The following DOK6 variants were observed in gnomAD, a reference collection of about 807,000 sequenced individuals.
DOK6 encodes downstream of tyrosine kinase 6.
A neutral mutation model predicts 44.0 loss-of-function variants in DOK6; 22 were observed. The ratio of observed to expected loss-of-function variants is 0.50; its 90% CI spans 0.36 to 0.71. The LOEUF is 0.71. DOK6 is among the 30% of genes least tolerant of loss of function. DOK6 has a pLI of 0.00. For missense variants in DOK6, 340 were observed against 416.4 expected (o/e 0.82, Z 1.60); for synonymous variants, 166 against 145.5 (o/e 1.14, Z -1.01).
At chr18:69,612,444 C>CGCATGTGTGCGAGGGT (rs1984174150) in intron 3 of DOK6, among the ~76,000 whole-genome samples, 1 of 149,470 alleles carries the variant, frequency 6.7e-6, no homozygotes, top group East Asian at 1.9e-4. Flanking sequence ...TGTGCGAGGG[C>CGCATGTGTGCGAGGGT]GCATGTGTGC....
intron 1 of DOK6, among the ~76,000 whole-genome samples, chr18:69,525,897 C>T (rs1981817797): frequency 6.6e-6 from 1 of 152,014 alleles, no homozygotes; most frequent in African/African-American, 2.4e-5. Context: ...ATGTGTAAAT[C>T]TGGCCTGTGA....
intron 7 of DOK6, among the ~76,000 whole-genome samples, chr18:69,771,224 G>T (rs775399370): frequency 4.0e-5 from 6 of 151,792 alleles, no homozygotes; most frequent in African/African-American, 9.7e-5. Context: ...TTAAATATGG[G>T]TATAAATACA....
At chr18:69,514,968 C>T (rs1391258882) in intron 1 of DOK6, among the ~76,000 whole-genome samples, 1 of 151,882 alleles carries the variant, frequency 6.6e-6, no homozygotes. Flanking sequence ...TCAGATGACA[C>T]AGTGGACAAT....
intron 1 of DOK6, among the ~76,000 whole-genome samples, chr18:69,494,852 C>T (rs1980836557): frequency 6.6e-6 from 1 of 152,172 alleles, no homozygotes; most frequent in South Asian, 2.1e-4. Flanking sequence ...GGACAGAAAC[C>T]TCTGTGGCCA....
chr18:69,561,621 G>A (rs1982834250), intron 1 of DOK6, among the ~76,000 whole-genome samples: 1 of 151,988 alleles, frequency 6.6e-6, no homozygotes, highest in Admixed American at 6.6e-5. Context: ...ATAATTTTCA[G>A]GTTAATGGTT....
intron 3 of DOK6, chr18:69,660,179 G>T (rs992423872): frequency 1.3e-5 from 2 of 151,974 alleles, no homozygotes; most frequent in Non-Finnish European, 2.9e-5. Flanking sequence ...CACTTTTCAC[G>T]CTTTTCAAAC....
intron 5 of DOK6, among the ~76,000 whole-genome samples, chr18:69,732,176 T>C (rs1379812994): frequency 6.6e-6 from 1 of 152,172 alleles, no homozygotes; most frequent in East Asian, 1.9e-4. Flanking sequence ...GGGTCAACAT[T>C]TAAGGAGTAC....
intron 7 of DOK6, among the ~76,000 whole-genome samples, chr18:69,766,435 C>T (rs188417198): frequency 9.5e-4 from 144 of 152,244 alleles, no homozygotes; most frequent in African/African-American, 3.3e-3. Context: ...AATCAATGTA[C>T]AACTTTTGAC....
chr18:69,631,135 G>A (rs1385355624), intron 3 of DOK6, among the ~76,000 whole-genome samples: 2 of 151,384 alleles, frequency 1.3e-5, no homozygotes, highest in African/African-American at 4.9e-5. Flanking sequence ...TCTCATTTTT[G>A]CATTTCAGCA....
chr18:69,585,435 G>T (rs570750489), intron 2 of DOK6, among the ~76,000 whole-genome samples: 2 of 152,148 alleles, frequency 1.3e-5, no homozygotes, highest in Non-Finnish European at 2.9e-5. Context: ...TGTGCTAGAA[G>T]GAAAGTGTCT....
At chr18:69,517,288 A>G (rs1208460615) in intron 1 of DOK6, among the ~76,000 whole-genome samples, 2 of 152,236 alleles carry the variant, frequency 1.3e-5, no homozygotes, top group Non-Finnish European at 2.9e-5. Context: ...TTAGATCTCC[A>G]TATGACCATG....
chr18:69,458,076 G>C (rs1979679014), intron 1 of DOK6, among the ~76,000 whole-genome samples: 1 of 152,148 alleles, frequency 6.6e-6, no homozygotes, highest in Admixed American at 6.5e-5. Flanking sequence ...CCGTGAGGCA[G>C]AACTTACAGC....
chr18:69,608,837 C>T (rs990736168), intron 3 of DOK6, among the ~76,000 whole-genome samples: 12 of 151,422 alleles, frequency 7.9e-5, no homozygotes, highest in Non-Finnish European at 5.9e-5. Context: ...ATAATCCCAG[C>T]TACTCGGGAG....
intron 3 of DOK6, among the ~76,000 whole-genome samples, chr18:69,671,328 T>C (rs1044912036): frequency 1.3e-5 from 2 of 152,238 alleles, no homozygotes; most frequent in African/African-American, 4.8e-5. Context: ...AAAGTTGATG[T>C]ATCAACCTGC....
intron 7 of DOK6, among the ~76,000 whole-genome samples, chr18:69,770,803 A>AATC (rs1178349470): frequency 1.3e-5 from 2 of 151,986 alleles, no homozygotes; most frequent in East Asian, 3.9e-4. Context: ...GAGATTTCAG[A>AATC]ATCACTTTTC....
intron 3 of DOK6, chr18:69,661,712 C>T (rs1985531966): frequency 6.6e-6 from 1 of 152,172 alleles, no homozygotes; most frequent in African/African-American, 2.4e-5. Flanking sequence ...TAAAATAATT[C>T]TTCATTAAAA....
chr18:69,520,353 C>T (rs1282320328), intron 1 of DOK6, among the ~76,000 whole-genome samples: 1 of 151,478 alleles, frequency 6.6e-6, no homozygotes, highest in Non-Finnish European at 1.5e-5. Context: ...TCCTATTATC[C>T]TCTTTGTGTG....
Position 69,847,612 on chromosome 18 carries a change from A to C in DOK6, c.*6229A>C, listed in dbSNP as rs1219252911. On this transcript the variant is annotated 3_prime_UTR_variant, in exon 8 of 8. Transcript: ENST00000382713. ...TTAACTATTTTACAGAGGGACTGAA[A>C]GCCAGGGAAAATAAAGAACAGAATG... 4 of 152,324 alleles carry C rather than the reference A, an allele frequency of 2.6e-5. No individual in the cohort carries two copies. The East Asian group carries it at 7.7e-4, about 29-fold the overall frequency. 9.4% of individuals were successfully genotyped at this position (152,324 alleles called of 1,614,324 possible).
intron 1 of DOK6, among the ~76,000 whole-genome samples, chr18:69,499,123 T>C (rs1024612301): frequency 6.6e-5 from 10 of 152,034 alleles, no homozygotes; most frequent in Admixed American, 5.9e-4. Flanking sequence ...CTGAACACAA[T>C]TTTCAGAGAC....
Sources: gnomAD v4.1 joint callset for allele counts (sites outside exome capture counted in the v4.1 genomes callset) on GRCh38, gnomAD v4.1.1 for gene constraint, MANE v1.5 for transcripts, NCBI Gene and HGNC (gene_info 2026-07-23, HGNC 2026-07-21) for gene names.